The following LIPH variants were observed in gnomAD, a reference collection of about 807,000 sequenced individuals.
LIPH encodes the protein lipase H, also known as lipase member H.
In LIPH, 32 loss-of-function variants were observed where a neutral mutation model predicts 47.6. The observed-to-expected ratio is 0.67, with a 90% CI of 0.51 to 0.90. LIPH has a LOEUF of 0.90. Ranked by LOEUF, LIPH falls within the 40% of genes least tolerant of loss-of-function variation. The pLI, the probability that LIPH is intolerant of heterozygous loss-of-function variation, is 0.00. For missense variants in LIPH, 497 were observed against 541.4 expected (o/e 0.92, Z 0.81); for synonymous variants, 190 against 195.6 (o/e 0.97, Z 0.24).
At chr3:185,540,250 T>G (rs1027071829) in intron 1 of LIPH, among the ~76,000 whole-genome samples, 1 of 152,230 alleles carries the variant, frequency 6.6e-6, no homozygotes, top group Non-Finnish European at 1.5e-5. Flanking sequence ...TCGGCAATGC[T>G]ATGTTTTCCA....
chr3:185,508,750 C>G lies in LIPH; in HGVS notation c.*40G>C. 5 of 1,386,572 alleles carry G rather than the reference C, an allele frequency of 3.6e-6. No homozygotes were observed. Among genetic ancestry groups the G allele is most frequent in the Non-Finnish European group, 5.1e-6 (5 of 972,596 alleles). 85.9% of individuals were successfully genotyped at this position (1,386,572 alleles called of 1,614,324 possible). A position where few individuals can be genotyped will look rare whatever the true frequency, so the allele number is the denominator to read the frequency against. On this transcript the variant is annotated 3_prime_UTR_variant, in exon 10 of 10. Coordinates refer to ENST00000296252, the MANE Select transcript of LIPH (RefSeq NM_139248.3). ...GCTTTCAAACAGCCTGTGGTTGTAG[C>G]TTTCTTTCTATTATTTATGGCCATG... is the stretch of plus-strand genomic sequence containing the variant.
intron 4 of LIPH, 90 bp downstream of exon 4, chr3:185,527,394 C>T: frequency 2.2e-6 from 2 of 921,520 alleles, no homozygotes; most frequent in Non-Finnish European, 3.6e-6. Context: ...TCTAGAGGAA[C>T]CTGATCTGCT....
intron 1 of LIPH, among the ~76,000 whole-genome samples, chr3:185,536,858 C>G (rs1321057960): frequency 6.6e-6 from 1 of 152,040 alleles, no homozygotes; most frequent in Non-Finnish European, 1.5e-5. Flanking sequence ...GTTAAAGAGA[C>G]TTATTTAGGA....
intron 4 of LIPH, among the ~76,000 whole-genome samples, chr3:185,524,817 G>T (rs1720017628): frequency 6.6e-6 from 1 of 152,028 alleles, no homozygotes; most frequent in Admixed American, 6.6e-5. Context: ...ATTTGCATTT[G>T]TATAACTAAT....
At position 185,532,270 on chromosome 3, in the gene LIPH, G is replaced by A. The variant is rs142774059; in HGVS notation, c.526+1301C>T. On this transcript the variant is annotated intron_variant, in intron 3 of 9. Coordinates refer to ENST00000296252, the MANE Select transcript of LIPH (RefSeq NM_139248.3). ...CTCATACCTGTAATCCCAGCACTTT[G>A]GGAGGCTGAAGTGAGAGGATTGCTT... 8.1e-3 allele frequency among the ~76,000 whole-genome samples: 1,235 copies of A among 152,182 alleles called. 17 individuals are homozygous for A. Among genetic ancestry groups the A allele is most frequent in the African/African-American group, 0.028 (1,162 of 41,514 alleles).
chr3:185,540,122 C>T lies in LIPH; in HGVS notation c.50-4990G>A, dbSNP rs149246257. ...AAACTGCCTGCATGATGGTGTGAAG[C>T]CTCCCTCTGCCTATTCCCACTCCCT... is the stretch of plus-strand genomic sequence containing the variant. On this transcript the variant is annotated intron_variant, in intron 1 of 9. Transcript: ENST00000296252. 8.7e-3 allele frequency among the ~76,000 whole-genome samples: 1,332 copies of T among 152,258 alleles called. 11 individuals carry two copies. The highest frequency in any genetic ancestry group is 0.011 in the Non-Finnish European group (723 of 68,014).
At position 185,552,478 on chromosome 3, in the gene LIPH, AC is replaced by A. The variant is rs770101904; in HGVS notation, c.-8del. ...ATAAGTAGAATCTCAACATATGGAAACTGGAGAGATCGTGTGTCACATTCAC... is the reference window on the plus strand; with the variant it reads ...ATAAGTAGAATCTCAACATATGGAAATGGAGAGATCGTGTGTCACATTCAC... On this transcript the variant is annotated 5_prime_UTR_variant, in exon 1 of 10. Coordinates refer to ENST00000296252, the MANE Select transcript of LIPH (RefSeq NM_139248.3). 6 of 1,589,106 alleles carry A rather than the reference AC, an allele frequency of 3.8e-6. No homozygotes were observed. In the African/African-American group the frequency reaches 8.1e-5, roughly 21 times the overall value.
chr3:185,544,956 G>A (rs1262900470), intron 1 of LIPH, among the ~76,000 whole-genome samples: 8 of 151,980 alleles, frequency 5.3e-5, no homozygotes, highest in Non-Finnish European at 1.2e-4. Flanking sequence ...CATTTCTGTT[G>A]GTATTTCTAA....
At chr3:185,511,158 G>A (rs13342948) in intron 9 of LIPH, among the ~76,000 whole-genome samples, 63,940 of 151,724 alleles carry the variant, frequency 0.42, 13,652 homozygotes, top group Middle Eastern at 0.49. Context: ...TCAGCCTCCT[G>A]AGTAGTGGGA....
intron 8 of LIPH, among the ~76,000 whole-genome samples, chr3:185,512,809 G>T (rs1433825458): frequency 6.6e-6 from 1 of 152,030 alleles, no homozygotes; most frequent in Non-Finnish European, 1.5e-5. Context: ...CTTACTTTGG[G>T]AATGGGGTAA....
At position 185,524,110 on chromosome 3, in the gene LIPH, C is replaced by T; in HGVS notation, c.679G>A (p.Gly227Arg). 1 of 1,613,834 alleles carries T rather than the reference C, an allele frequency of 6.2e-7. No individual in the cohort carries two copies. Among genetic ancestry groups the T allele is most frequent in the South Asian group, 1.1e-5 (1 of 91,084 alleles). The part of the protein sequence containing the change: ...LGNIDFYPNG[G>R]LDQPGCPKTI... Reference sequence around the variant, plus strand: ...TTGGGGCAGCCAGGTTGATCCAATCCTCCATTTGGGTAGAAGTCTATGTTT... The same window carrying T: ...TTGGGGCAGCCAGGTTGATCCAATCTTCCATTTGGGTAGAAGTCTATGTTT... The change falls in exon 5 of 10, where the codon GGA (glycine) becomes AGA (arginine). Residue 227 changes from glycine (G) to arginine (R), a missense_variant. Physicochemically the swap from Gly to Arg is moderately radical, Grantham distance 125. Transcript: ENST00000296252.
At chr3:185,526,569 T>C (rs1021532580) in intron 4 of LIPH, among the ~76,000 whole-genome samples, 17 of 97,436 alleles carry the variant, frequency 1.7e-4, no homozygotes, top group Non-Finnish European at 2.4e-4. Context: ...TAAGATAAAA[T>C]AAAATAAAAA....
chr3:185,524,052 A>T lies in LIPH; in HGVS notation c.718+19T>A, dbSNP rs1719988436. On this transcript the variant is annotated intron_variant, in intron 5 of 9. Transcript: ENST00000296252. ...ATATGCCTTTTTATACCACTATTTT[A>T]CAAAATATAAAGGCTTACCTCCCAA... The T allele has an allele frequency of 6.4e-7, 1 of 1,570,568 alleles. No individual in the cohort carries two copies. Among genetic ancestry groups the T allele is most frequent in the Non-Finnish European group, 8.8e-7 (1 of 1,140,578 alleles).
intron 4 of LIPH, among the ~76,000 whole-genome samples, chr3:185,526,562 G>A (rs1577674354): frequency 2.8e-5 from 3 of 106,324 alleles, no homozygotes; most frequent in South Asian, 3.0e-4. Context: ...GATAAGATAA[G>A]ATAAAATAAA....
chr3:185,533,586 G>T lies in LIPH; in HGVS notation c.511C>A (p.Leu171Met), dbSNP rs765279202. The stretch of plus-strand genomic sequence containing the variant: ...AGGCACTTACCTGTAATTCTCCCCA[G>T]CCATCCATCGTACATCTCTCCAACA... ...GFVGEMYDGW[L>M]GRITGLDPAG... Residue 171 changes from leucine to methionine, a missense_variant, in exon 3 of 10, where the codon CTG (leucine) becomes ATG (methionine). Coordinates refer to ENST00000296252, the MANE Select transcript of LIPH (RefSeq NM_139248.3). The T allele has an allele frequency of 1.2e-6, 2 of 1,611,758 alleles. No homozygotes were observed. The highest frequency in any genetic ancestry group is 2.2e-5 in the South Asian group (2 of 91,022).
intron 8 of LIPH, 99 bp downstream of exon 8, chr3:185,514,311 A>T (rs1719658621): frequency 2.7e-6 from 2 of 739,092 alleles, no homozygotes; most frequent in South Asian, 2.8e-5. Flanking sequence ...AACAAGGAAA[A>T]GCATAGATCT....
chr3:185,530,035 G>A (rs760644720), intron 3 of LIPH, among the ~76,000 whole-genome samples: 1 of 152,186 alleles, frequency 6.6e-6, no homozygotes, highest in Non-Finnish European at 1.5e-5. Flanking sequence ...TGTAGTCCCT[G>A]TAGTCCTAGC....
chr3:185,510,715 G>GAAAATATTTTTTTCTACTAAAAATACA (rs1560154082), intron 9 of LIPH, among the ~76,000 whole-genome samples: 10 of 152,102 alleles, frequency 6.6e-5, no homozygotes, highest in Admixed American at 6.6e-5. Context: ...CTAAAAATAC[G>GAAAATATTTTTTTCTACTAAAAATACA]AAAATATTTT....
chr3:185,515,157 C>T (rs935860356), intron 7 of LIPH, among the ~76,000 whole-genome samples: 4 of 152,052 alleles, frequency 2.6e-5, no homozygotes, highest in African/African-American at 9.7e-5. Context: ...TATTATTCAG[C>T]ACACTTTCCT....
Sources: gnomAD v4.1 joint callset for allele counts (sites outside exome capture counted in the v4.1 genomes callset) on GRCh38, gnomAD v4.1.1 for gene constraint, MANE v1.5 for transcripts, NCBI Gene and HGNC (gene_info 2026-07-23, HGNC 2026-07-21) for gene names.